The following SHISA6 variants were observed in gnomAD, a reference collection of about 807,000 sequenced individuals.
The protein encoded by SHISA6 is protein shisa-6.
Under a neutral mutation model 47.9 loss-of-function variants are expected in SHISA6, and 22 were observed. That is an observed-to-expected ratio of 0.46 (90% CI 0.33 to 0.66). SHISA6 has a LOEUF of 0.66. SHISA6 is among the 30% of genes least tolerant of loss of function. The pLI is 0.02. For missense variants in SHISA6, 680 were observed against 764.6 expected (o/e 0.89, Z 1.30); for synonymous variants, 388 against 337.8 (o/e 1.15, Z -1.63).
intron 2 of SHISA6, among the ~76,000 whole-genome samples, chr17:11,361,972 A>T (rs774606286): frequency 6.6e-6 from 1 of 152,148 alleles, no homozygotes; most frequent in African/African-American, 2.4e-5. Flanking sequence ...TCTCTGTTTC[A>T]TGGAGGGAAC....
chr17:11,320,667 A>AGAGAG (rs1458674842), intron 2 of SHISA6, among the ~76,000 whole-genome samples: 7 of 78,574 alleles, frequency 8.9e-5, no homozygotes, highest in African/African-American at 2.6e-4. Flanking sequence ...ACCAAAAAAA[A>AGAGAG]AAAGAGAGAG....
At chr17:11,517,820 C>T (rs572200196) in intron 3 of SHISA6, among the ~76,000 whole-genome samples, 1 of 152,106 alleles carries the variant, frequency 6.6e-6, no homozygotes, top group South Asian at 2.1e-4. Flanking sequence ...TTTTTATTTT[C>T]CTGTCACACC....
At chr17:11,415,049 G>T (rs1914240284) in intron 3 of SHISA6, among the ~76,000 whole-genome samples, 1 of 150,866 alleles carries the variant, frequency 6.6e-6, no homozygotes. Context: ...TTGCACTCCA[G>T]CCTGGGGCGA....
intron 1 of SHISA6, among the ~76,000 whole-genome samples, chr17:11,245,620 T>A (rs1488119738): frequency 1.3e-5 from 2 of 151,984 alleles, no homozygotes; most frequent in African/African-American, 4.8e-5. Context: ...TGGCTTTTTT[T>A]AATGGCTAAT....
intron 3 of SHISA6, among the ~76,000 whole-genome samples, chr17:11,521,595 ACAACATAGTGAGACCCCAGGG>A (rs11274131): frequency 0.44 from 66,984 of 151,544 alleles, 14,863 homozygotes; most frequent in East Asian, 0.57. Flanking sequence ...ACCAGCCTGG[ACAACATAGTGAGACCCCAGGG>A]CAACATAGTG....
At chr17:11,291,092 TC>T (rs1909522819) in intron 2 of SHISA6, among the ~76,000 whole-genome samples, 1 of 152,068 alleles carries the variant, frequency 6.6e-6, no homozygotes, top group Admixed American at 6.6e-5. Flanking sequence ...TTCAGAAACT[TC>T]CAGGTGACAT....
intron 3 of SHISA6, among the ~76,000 whole-genome samples, chr17:11,481,658 A>G (rs1240691971): frequency 6.6e-6 from 1 of 151,654 alleles, no homozygotes; most frequent in Non-Finnish European, 1.5e-5. Context: ...ACGCCTGGCT[A>G]ATTTTTGTAT....
At position 11,242,009 on chromosome 17, in the gene SHISA6, A is replaced by C; in HGVS notation, c.587A>C (p.Lys196Thr). The stretch of plus-strand genomic sequence containing the variant: ...GTCATCGTGGCCGGCGTCTTCGCCA[A>C]GGTCTCCTACGACAAGGCCCACCGC... The part of the protein sequence containing the change: ...AFVIVAGVFA[K>T]VSYDKAHRPP... The change falls in exon 1 of 6, where the codon AAG becomes ACG. Residue 196 changes from lysine (K) to threonine (T), a missense_variant. Around this residue, in one of 2 missense-constraint regions of SHISA6, gnomAD observed 559 missense variants for 674.1 expected, o/e 0.83. Coordinates refer to ENST00000441885, the MANE Select transcript of SHISA6 (RefSeq NM_207386.4). The C allele has an allele frequency of 6.4e-7, 1 of 1,551,078 alleles. No homozygotes were observed. Among genetic ancestry groups the C allele is most frequent in the Non-Finnish European group, 8.7e-7 (1 of 1,147,004 alleles).
intron 3 of SHISA6, among the ~76,000 whole-genome samples, chr17:11,526,013 GA>G (rs10685171): frequency 1.9e-4 from 27 of 142,460 alleles, no homozygotes; most frequent in East Asian, 6.2e-4. Context: ...ATCTTAAAAA[GA>G]AAAAAAAAAA....
chr17:11,506,441 T>C (rs908333499), intron 3 of SHISA6, among the ~76,000 whole-genome samples: 3 of 152,172 alleles, frequency 2.0e-5, no homozygotes, highest in Non-Finnish European at 2.9e-5. Context: ...TTTGTCATGG[T>C]CTTTTTTCTC....
chr17:11,339,743 A>C (rs1911461490), intron 2 of SHISA6, among the ~76,000 whole-genome samples: 2 of 152,190 alleles, frequency 1.3e-5, no homozygotes, highest in Admixed American at 1.3e-4. Flanking sequence ...AGAAAATTTC[A>C]GCCTGTGGGA....
At chr17:11,287,797 TTAA>T (rs1213294811) in intron 2 of SHISA6, among the ~76,000 whole-genome samples, 9 of 136,468 alleles carry the variant, frequency 6.6e-5, no homozygotes, top group African/African-American at 1.4e-4. Context: ...ATATTCTCAC[TTAA>T]TAATATATCA....
intron 3 of SHISA6, among the ~76,000 whole-genome samples, chr17:11,415,145 T>C (rs1388416386): frequency 6.6e-6 from 1 of 151,718 alleles, no homozygotes; most frequent in East Asian, 1.9e-4. Flanking sequence ...CATAAGATAA[T>C]AGGGAGCATT....
intron 3 of SHISA6, among the ~76,000 whole-genome samples, chr17:11,509,013 A>T (rs2071522128): frequency 9.5e-6 from 1 of 105,592 alleles, no homozygotes; most frequent in African/African-American, 3.6e-5. Flanking sequence ...TGAGTGACAT[A>T]ATAGCACCAG....
At chr17:11,366,110 G>T (rs1912443522) in intron 2 of SHISA6, among the ~76,000 whole-genome samples, 1 of 152,188 alleles carries the variant, frequency 6.6e-6, no homozygotes, top group South Asian at 2.1e-4. Context: ...AGCTGGCAGG[G>T]CCATGGTGTG....
intron 2 of SHISA6, among the ~76,000 whole-genome samples, chr17:11,341,328 CTTT>C (rs71367322): frequency 1.9e-4 from 17 of 88,814 alleles, no homozygotes; most frequent in Admixed American, 5.4e-4. Flanking sequence ...CTCTCTCTCT[CTTT>C]TTTTTTTTTT....
At chr17:11,525,345 T>C (rs962234703) in intron 3 of SHISA6, among the ~76,000 whole-genome samples, 4 of 152,066 alleles carry the variant, frequency 2.6e-5, no homozygotes, top group African/African-American at 9.7e-5. Flanking sequence ...TTAAAGAGGA[T>C]ATTGTGAGGC....
At chr17:11,316,419 C>CT (rs551048325) in intron 2 of SHISA6, among the ~76,000 whole-genome samples, 85 of 56,892 alleles carry the variant, frequency 1.5e-3, no homozygotes, top group African/African-American at 4.0e-3. Flanking sequence ...CTCTCTCTCT[C>CT]TTTTTTTTTT....
chr17:11,341,648 C>CT (rs1369390614), intron 2 of SHISA6, among the ~76,000 whole-genome samples: 2 of 152,038 alleles, frequency 1.3e-5, no homozygotes, highest in Non-Finnish European at 2.9e-5. Flanking sequence ...ATCCCATTCT[C>CT]TAAGTGAGAG....
Sources: allele counts gnomAD v4.1 joint callset (sites outside exome capture counted in the v4.1 genomes callset), GRCh38; gene constraint gnomAD v4.1.1; regional missense constraint gnomAD v4.1.1; transcripts MANE v1.5; gene names NCBI Gene and HGNC (gene_info 2026-07-23, HGNC 2026-07-21).